The following SNW1 variants were observed in gnomAD, a reference collection of about 807,000 sequenced individuals.
SNW1 encodes the protein SNW domain containing 1, also known as SNW domain-containing protein 1.
SNW1 carries 9 observed loss-of-function variants against 75.6 expected under a neutral mutation model. That is an observed-to-expected ratio of 0.12 (90% confidence interval 0.07 to 0.21). The LOEUF (loss-of-function observed/expected upper bound fraction) is 0.21, where lower values mean the gene tolerates loss of function less well. SNW1 is among the 10% of genes least tolerant of loss of function. SNW1 has a pLI of 1.00. For synonymous variants in SNW1, 200 were observed against 219.1 expected (o/e 0.91, Z 0.77); for missense variants, 409 against 670.9 (o/e 0.61, Z 4.31).
chr14:77,756,276 A>G (rs1234037319), intron 1 of SNW1, among the ~76,000 whole-genome samples: 2 of 151,682 alleles, frequency 1.3e-5, no homozygotes, highest in Admixed American at 6.6e-5. Flanking sequence ...GCATGCCACC[A>G]CATCCCTATT....
intron 3 of SNW1, among the ~76,000 whole-genome samples, chr14:77,749,998 C>T (rs117574420): frequency 6.6e-6 from 1 of 151,936 alleles, no homozygotes; most frequent in South Asian, 2.1e-4. Flanking sequence ...CCCAAAAGTT[C>T]AAGACCAGCT....
chr14:77,731,783 G>A (rs1405963683), intron 9 of SNW1, among the ~76,000 whole-genome samples: 1 of 152,074 alleles, frequency 6.6e-6, no homozygotes, highest in African/African-American at 2.4e-5. Flanking sequence ...CTGCTGCCCA[G>A]GCTGAAGTGC....
At chr14:77,740,813 C>T (rs989923301) in intron 3 of SNW1, among the ~76,000 whole-genome samples, 5 of 152,088 alleles carry the variant, frequency 3.3e-5, no homozygotes, top group Admixed American at 6.5e-5. Context: ...ACAATAAAAA[C>T]GGGGAGGGCA....
intron 10 of SNW1, among the ~76,000 whole-genome samples, chr14:77,729,707 A>G (rs1305001648): frequency 6.6e-6 from 1 of 152,192 alleles, no homozygotes; most frequent in Non-Finnish European, 1.5e-5. Flanking sequence ...AAAAGTAACT[A>G]TAAGAGATGA....
chr14:77,742,436 C>G (rs2080726128), intron 3 of SNW1, among the ~76,000 whole-genome samples: 1 of 152,124 alleles, frequency 6.6e-6, no homozygotes, highest in Admixed American at 6.6e-5. Context: ...ATACAATATA[C>G]TCTTGAAAGT....
intron 11 of SNW1, 65 bp downstream of exon 11, chr14:77,723,116 G>A: frequency 7.8e-7 from 1 of 1,286,534 alleles, no homozygotes. Flanking sequence ...CAAAGTGCTG[G>A]GATTACAGGG....
At chr14:77,721,114 T>G (rs2139891376) in intron 11 of SNW1, 1 of 314,086 alleles carries the variant, frequency 3.2e-6, no homozygotes, top group South Asian at 4.4e-5. Context: ...ACAACCATGC[T>G]GAGATATAAA....
chr14:77,735,093 A>G, intron 7 of SNW1, 81 bp from the exon 8 acceptor site: 1 of 998,778 alleles, frequency 1.0e-6, no homozygotes. Context: ...ATCTTCAAAG[A>G]CAGCTCCATA....
At chr14:77,726,447 C>A (rs546552593) in intron 10 of SNW1, among the ~76,000 whole-genome samples, 14 of 152,274 alleles carry the variant, frequency 9.2e-5, no homozygotes, top group Admixed American at 2.0e-4. Context: ...GTGTGAGCCA[C>A]CATGCCCAGC....
In SNW1 at chr14:77,737,081, G is replaced by C. The variant is rs756974027; in HGVS notation, c.534-6C>G. On this transcript the variant is annotated splice_region_variant and splice_polypyrimidine_tract_variant and intron_variant, in intron 5 of 13. Transcript: ENST00000261531. Reference sequence around the variant, plus strand: ...CTTGCTGAGATGGTGTGTATCTGAAGAAAGCAGATAAAAACTAAAGGTGTA... The same window carrying C: ...CTTGCTGAGATGGTGTGTATCTGAACAAAGCAGATAAAAACTAAAGGTGTA... The C allele has an allele frequency of 1.2e-6, 2 of 1,601,160 alleles. No individual in the cohort carries two copies. The highest frequency in any genetic ancestry group is 1.7e-6 in the Non-Finnish European group (2 of 1,168,746).
chr14:77,738,006 A>AAAG lies in SNW1; in HGVS notation c.533+771_533+772insCTT, dbSNP rs1555387646. On this transcript the variant is annotated intron_variant, in intron 5 of 13. Transcript: ENST00000261531. ...GACTCCATCTCAAAAAAAAAAAAAA[A>AAAG]AAAAGAAAATAGCATAGGCTGGGCA... Among the ~76,000 whole-genome samples, 27 of 150,728 alleles carry AAAG rather than the reference A, an allele frequency of 1.8e-4. 1 individual carries two copies. Among genetic ancestry groups the AAAG allele is most frequent in the Non-Finnish European group, 3.4e-4 (23 of 67,670 alleles).
intron 1 of SNW1, among the ~76,000 whole-genome samples, chr14:77,757,919 CATCTATCT>C (rs71128671): frequency 0.049 from 7,233 of 147,636 alleles, 196 homozygotes; most frequent in Middle Eastern, 0.073. Flanking sequence ...TCAATCTAAT[CATCTATCT>C]ATCTATCTAT....
chr14:77,752,161 G>A (rs1038153510), intron 2 of SNW1, among the ~76,000 whole-genome samples: 2 of 152,158 alleles, frequency 1.3e-5, no homozygotes, highest in African/African-American at 2.4e-5. Context: ...AACAGGTAAA[G>A]CTATACTTGG....
At chr14:77,744,021 C>T (rs897255744) in intron 3 of SNW1, among the ~76,000 whole-genome samples, 4 of 151,522 alleles carry the variant, frequency 2.6e-5, no homozygotes, top group African/African-American at 9.7e-5. Flanking sequence ...ACAAAAGCAA[C>T]GATCTGGCCG....
intron 10 of SNW1, among the ~76,000 whole-genome samples, chr14:77,727,127 C>T (rs911398207): frequency 5.9e-5 from 9 of 151,910 alleles, no homozygotes; most frequent in African/African-American, 9.7e-5. Flanking sequence ...GATCTCAGCT[C>T]GCTGTAACCT....
Position 77,717,959 on chromosome 14 carries a change from TAAA to T in SNW1, c.*126_*128del, listed in dbSNP as rs2080502660. ...TCTATCCCCCCCATTTCTCCAGTAATAAAAAGTAGTGCTGGGATCTGGCACCCA... is the reference window on the plus strand; with the variant it reads ...TCTATCCCCCCCATTTCTCCAGTAATAAGTAGTGCTGGGATCTGGCACCCA... On this transcript the variant is annotated 3_prime_UTR_variant, in exon 14 of 14. Transcript: ENST00000261531. The T allele has an allele frequency of 1.3e-6, 1 of 788,914 alleles. No individual in the cohort carries two copies. Among genetic ancestry groups the T allele is most frequent in the Non-Finnish European group, 2.0e-6 (1 of 498,824 alleles). The allele number at this position is 788,914 out of a possible 1,614,324, so 48.9% of individuals were successfully genotyped here.
intron 8 of SNW1, chr14:77,733,945 C>T (rs771683036): frequency 6.7e-6 from 3 of 446,740 alleles, no homozygotes; most frequent in Admixed American, 2.5e-5. Flanking sequence ...AGTCCATGGT[C>T]TCATAATAAA....
chr14:77,722,001 G>A (rs1266227517), intron 11 of SNW1, among the ~76,000 whole-genome samples: 1 of 152,144 alleles, frequency 6.6e-6, no homozygotes, highest in Admixed American at 6.6e-5. Context: ...GCGTGCTTTG[G>A]CCTGCCAAAG....
intron 11 of SNW1, among the ~76,000 whole-genome samples, chr14:77,721,987 A>AT (rs2080544876): frequency 6.6e-6 from 1 of 152,160 alleles, no homozygotes; most frequent in African/African-American, 2.4e-5. Context: ...ACCTCAAGTG[A>AT]TTCGCGTGCT....
Sources: gnomAD v4.1 joint callset for allele counts (sites outside exome capture counted in the v4.1 genomes callset) on GRCh38, gnomAD v4.1.1 for gene constraint, MANE v1.5 for transcripts, NCBI Gene and HGNC (gene_info 2026-07-23, HGNC 2026-07-21) for gene names.